The following CAMTA1 variants were observed in gnomAD, a reference collection of about 807,000 sequenced individuals.
CAMTA1 encodes the protein calmodulin binding transcription activator 1.
Under a neutral mutation model 170.9 loss-of-function variants are expected in CAMTA1, and 27 were observed. The observed-to-expected ratio is 0.16, with a 90% CI of 0.12 to 0.22. The LOEUF is 0.22. Ranked by LOEUF, CAMTA1 falls within the 10% of genes least tolerant of loss-of-function variation. The pLI, the probability that CAMTA1 is intolerant of heterozygous loss-of-function variation, is 1.00. For missense variants in CAMTA1, 1,619 were observed against 2,217.2 expected, an observed-to-expected ratio of 0.73 and a Z score of 5.42; for synonymous variants, 833 against 891.5, an observed-to-expected ratio of 0.93 and a Z score of 1.17.
chr1:6,936,078 T>C (rs759736852), intron 3 of CAMTA1, among the ~76,000 whole-genome samples: 2 of 152,208 alleles, frequency 1.3e-5, no homozygotes, highest in Non-Finnish European at 2.9e-5. Context: ...TAAAACCTTC[T>C]GGAAAATAAA....
intron 4 of CAMTA1, among the ~76,000 whole-genome samples, chr1:7,170,480 A>G (rs1166088277): frequency 3.9e-5 from 6 of 151,902 alleles, no homozygotes; most frequent in Non-Finnish European, 8.8e-5. Flanking sequence ...TCCAACCCCG[A>G]CAGGCCCCAG....
chr1:7,707,011 C>T (rs1021045112), intron 11 of CAMTA1, among the ~76,000 whole-genome samples: 2 of 151,598 alleles, frequency 1.3e-5, no homozygotes, highest in Admixed American at 1.3e-4. Context: ...CTCAGTCTCC[C>T]GAGTAGCTGG....
At position 6,863,487 on chromosome 1, in the gene CAMTA1, CTA is replaced by C. The variant is rs1665509322; in HGVS notation, c.234+38279_234+38280del. 2.6e-5 allele frequency among the ~76,000 whole-genome samples: 4 copies of C among 152,190 alleles called. 1 individual carries two copies. The highest frequency in any genetic ancestry group is 2.6e-4 in the Admixed American group (4 of 15,276). ...CACTCCAGAGCTGCCTCCTTGCTGTCTATGCTGAGTGTCTGATGGGTGCTCCA... is the reference window on the plus strand; with the variant it reads ...CACTCCAGAGCTGCCTCCTTGCTGTCTGCTGAGTGTCTGATGGGTGCTCCA... On this transcript the variant is annotated intron_variant, in intron 3 of 22. Coordinates refer to ENST00000303635, the MANE Select transcript of CAMTA1 (RefSeq NM_015215.4).
Position 7,465,944 on chromosome 1 carries a change from A to G in CAMTA1, c.439-1886A>G, listed in dbSNP as rs540522511. Among the ~76,000 whole-genome samples, 17 of 152,322 alleles carry G rather than the reference A, an allele frequency of 1.1e-4. No individual in the cohort carries two copies. The South Asian group carries it at 3.5e-3, about 32-fold the overall frequency. ...GGGAAAGTCATTGCAAAGTCTAGAG[A>G]GGAATAGAGTGGGGAAACAGCAGAT... On this transcript the variant is annotated intron_variant, in intron 5 of 22. Transcript: ENST00000303635.
At chr1:7,382,830 T>TGGTA (rs2087486144) in intron 5 of CAMTA1, 1 of 149,186 alleles carries the variant, frequency 6.7e-6, no homozygotes, top group Non-Finnish European at 1.5e-5. Context: ...GCTTCCTAGA[T>TGGTA]GATAGATAGA....
rs776886903 is a variant in CAMTA1, at chr1:7,671,059, C to T, written c.2779+22C>T. The T allele has an allele frequency of 4.2e-5, 67 of 1,611,278 alleles. No homozygotes were observed. In the South Asian group the frequency reaches 6.9e-4, roughly 17 times the overall value. ...CCAGGTGAGAAAGCCGCCCCCCAGG[C>T]CCCCAAGGTGAGTGTGATGGCCTGA... is the stretch of plus-strand genomic sequence containing the variant. On this transcript the variant is annotated intron_variant, in intron 10 of 22. Coordinates refer to ENST00000303635, the MANE Select transcript of CAMTA1 (RefSeq NM_015215.4).
chr1:7,003,636 G>C (rs2898914), intron 3 of CAMTA1, among the ~76,000 whole-genome samples: 2,163 of 152,226 alleles, frequency 0.014, 27 homozygotes, highest in Non-Finnish European at 0.022. Flanking sequence ...AATCTCTCCT[G>C]GGTGTCTGGT....
Position 6,924,958 on chromosome 1 carries a change from G to C in CAMTA1, c.234+99748G>C, listed in dbSNP as rs549199222. ...GGTGTAGCTTTCTTGGATATGGTTG[G>C]GGGGGACTGTGCTGTGGCTACAAAC... is the stretch of plus-strand genomic sequence containing the variant. On this transcript the variant is annotated intron_variant, in intron 3 of 22. Coordinates refer to ENST00000303635, the MANE Select transcript of CAMTA1 (RefSeq NM_015215.4). 1.5e-4 allele frequency among the ~76,000 whole-genome samples: 23 copies of C among 152,322 alleles called. No homozygotes were observed. The South Asian group carries it at 2.1e-3, about 14-fold the overall frequency.
At chr1:7,141,939 C>T (rs1645913434) in intron 4 of CAMTA1, among the ~76,000 whole-genome samples, 1 of 152,148 alleles carries the variant, frequency 6.6e-6, no homozygotes, top group Non-Finnish European at 1.5e-5. Flanking sequence ...AGAGAAGGGC[C>T]TCAGTTAGGG....
rs553649981 is a variant in CAMTA1 at position 7,159,666 on chromosome 1, C to T, written c.302+68295C>T. 3.3e-5 allele frequency among the ~76,000 whole-genome samples: 5 copies of T among 152,226 alleles called. No individual in the cohort carries two copies. The East Asian group carries it at 7.8e-4, about 24-fold the overall frequency. ...TCGAGCAATCCTCCCACCTCAGTCTCGCAAGTAGCTAGGCCTACAGTTGCA... is the reference window on the plus strand; with the variant it reads ...TCGAGCAATCCTCCCACCTCAGTCTTGCAAGTAGCTAGGCCTACAGTTGCA... On this transcript the variant is annotated intron_variant, in intron 4 of 22. Coordinates refer to ENST00000303635, the MANE Select transcript of CAMTA1 (RefSeq NM_015215.4).
Position 7,635,507 on chromosome 1 carries a change from G to A in CAMTA1, c.511-4893G>A, listed in dbSNP as rs894647685. ...GCCTGTACTCCCAGCTACTCCAGAG[G>A]CTGAGGCAGGAGAATGGCGTGAACC... On this transcript the variant is annotated intron_variant, in intron 6 of 22. Coordinates refer to ENST00000303635, the MANE Select transcript of CAMTA1 (RefSeq NM_015215.4). The surrounding 1 kb of genome is among the most constrained non-coding windows in gnomAD (Gnocchi z 4.4). Among the ~76,000 whole-genome samples the A allele has an allele frequency of 6.6e-5, 10 of 151,942 alleles. No individual in the cohort carries two copies. The highest frequency in any genetic ancestry group is 2.2e-4 in the African/African-American group (9 of 41,332).
chr1:7,620,046 C>G (rs958904693), intron 6 of CAMTA1, among the ~76,000 whole-genome samples: 5 of 152,182 alleles, frequency 3.3e-5, no homozygotes, highest in Non-Finnish European at 5.9e-5. Context: ...TAGACCAGAA[C>G]TAGACCCAGG....
Position 7,664,164 on chromosome 1 carries a change from C to T in CAMTA1, c.1617C>T (p.Phe539=), listed in dbSNP as rs759254917. ...AGATCAAGACCGAGGACACCTCCTT[C>T]GAGCAGCAGATGGCCAAAGAAGCGT... is the stretch of plus-strand genomic sequence containing the variant. ...TKEIKTEDTS[F]EQQMAKEAYS... The change falls in exon 9 of 23, where the codon TTC becomes TTT. Residue 539 remains phenylalanine, a synonymous_variant. Transcript: ENST00000303635. 15 of 1,612,830 alleles carry T rather than the reference C, an allele frequency of 9.3e-6. No homozygotes were observed. Among genetic ancestry groups the T allele is most frequent in the South Asian group, 4.4e-5 (4 of 91,084 alleles).
At chr1:7,688,699 G>C (rs1256821664) in intron 11 of CAMTA1, among the ~76,000 whole-genome samples, 1 of 152,144 alleles carries the variant, frequency 6.6e-6, no homozygotes, top group African/African-American at 2.4e-5. Context: ...CCTCTAACTG[G>C]GGCCAAGGAC....
At chr1:7,176,347 G>A (rs778500988) in intron 4 of CAMTA1, among the ~76,000 whole-genome samples, 5 of 152,234 alleles carry the variant, frequency 3.3e-5, no homozygotes, top group Non-Finnish European at 7.3e-5. Flanking sequence ...GTGGTAACCA[G>A]AAGCCCTGGG....
chr1:7,712,770 G>A (rs919692984), intron 11 of CAMTA1, among the ~76,000 whole-genome samples: 1 of 152,196 alleles, frequency 6.6e-6, no homozygotes, highest in South Asian at 2.1e-4. Flanking sequence ...AGAAAAAGAG[G>A]TTTAATGGAC....
intron 5 of CAMTA1, chr1:7,389,390 C>CA (rs923663390): frequency 6.6e-6 from 1 of 152,492 alleles, no homozygotes; most frequent in African/African-American, 2.4e-5. Flanking sequence ...TCACACACGT[C>CA]AGCGTGTTCC....
intron 1 of CAMTA1, among the ~76,000 whole-genome samples, chr1:6,793,247 C>G (rs1297199857): frequency 4.6e-5 from 7 of 152,132 alleles, no homozygotes; most frequent in Non-Finnish European, 7.3e-5. Context: ...CTCAGTGGGG[C>G]TGATGTGTGA....
At chr1:7,209,925 A>G (rs886341263) in intron 4 of CAMTA1, among the ~76,000 whole-genome samples, 1 of 152,244 alleles carries the variant, frequency 6.6e-6, no homozygotes, top group African/African-American at 2.4e-5. Context: ...ACATTTTATC[A>G]TATCTGTCTT....
Sources: gnomAD v4.1 joint callset for allele counts (sites outside exome capture counted in the v4.1 genomes callset) on GRCh38, gnomAD v4.1.1 for gene constraint, Gnocchi (gnomAD v3.1) non-coding constraint, MANE v1.5 for transcripts, NCBI Gene and HGNC (gene_info 2026-07-23, HGNC 2026-07-21) for gene names.